MAPK8IP3: variants seen among roughly 807,000 people sequenced by gnomAD.
MAPK8IP3 encodes the protein mitogen-activated protein kinase 8 interacting protein 3, also known as C-Jun-amino-terminal kinase-interacting protein 3.
MAPK8IP3 carries 49 observed loss-of-function variants against 157.8 expected under a neutral mutation model. The observed-to-expected ratio is 0.31, with a 90% confidence interval of 0.25 to 0.39. MAPK8IP3 has a LOEUF of 0.39. MAPK8IP3 is among the 10% of genes least tolerant of loss of function. The pLI, the probability that MAPK8IP3 is intolerant of heterozygous loss-of-function variation, is 1.00. For synonymous variants in MAPK8IP3, 897 were observed against 777.7 expected, an observed-to-expected ratio of 1.15 and a Z score of -2.55; for missense variants, 1,478 against 1,889.4, an observed-to-expected ratio of 0.78 and a Z score of 4.04.
At chr16:1,756,165 G>C (rs1010006893) in intron 8 of MAPK8IP3, among the ~76,000 whole-genome samples, 14 of 152,308 alleles carry the variant, frequency 9.2e-5, no homozygotes, top group South Asian at 4.1e-4. Context: ...CCCTCACACA[G>C]GGACCCCAAG....
In MAPK8IP3 at chr16:1,762,462, C is replaced by T; in HGVS notation, c.1651C>T (p.Arg551Trp). 2 of 1,610,378 alleles carry T rather than the reference C, an allele frequency of 1.2e-6. No homozygotes were observed. The highest frequency in any genetic ancestry group is 1.7e-6 in the Non-Finnish European group (2 of 1,178,586). The change falls in exon 14 of 32, where the codon CGG (arginine) becomes TGG (tryptophan). Residue 551 changes from arginine (R) to tryptophan (W), a missense_variant. By Grantham distance (101) the Arg-to-Trp change is moderately radical. Around this residue, in one of 11 missense-constraint regions of MAPK8IP3, gnomAD observed 11 missense variants for 47.3 expected, o/e 0.23. Coordinates refer to ENST00000610761, the MANE Select transcript of MAPK8IP3 (RefSeq NM_001318852.2). ...GCTGATGGAGCTGCAGGAGGCTGTG[C>T]GGTGGACTGAGATGATCAGGTGGGA... ...ERLMELQEAVRWTEMIRASRE... is the reference protein window; with the variant it reads ...ERLMELQEAVWWTEMIRASRE...
chr16:1,763,585 C>T, intron 16 of MAPK8IP3, 72 bp from the exon 17 acceptor site: 3 of 1,407,878 alleles, frequency 2.1e-6, no homozygotes, highest in African/African-American at 1.5e-5. Context: ...TGACCTCCCC[C>T]AGGACAAGCC....
intron 8 of MAPK8IP3, among the ~76,000 whole-genome samples, chr16:1,754,997 A>G (rs556159891): frequency 1.3e-5 from 2 of 152,320 alleles, no homozygotes; most frequent in South Asian, 4.1e-4. Flanking sequence ...CTTGTTGGAG[A>G]TTTTTCTGGA....
intron 1 of MAPK8IP3, among the ~76,000 whole-genome samples, chr16:1,709,914 AC>A (rs1263722909): frequency 6.6e-6 from 1 of 151,678 alleles, no homozygotes; most frequent in Non-Finnish European, 1.5e-5. Context: ...TGCTGGTAAC[AC>A]CCCCCAGGCT....
rs759597574 is a variant in MAPK8IP3, at chr16:1,747,252, A to G, written c.971A>G (p.Gln324Arg). Reference protein sequence around the residue: ...DSRNMEVQVTQEMRNVSIGMG... With the variant: ...DSRNMEVQVTREMRNVSIGMG... ...CGCAACATGGAAGTACAGGTCACCC[A>G]GGAGATGCGCAACGTCAGTATAGGT... Residue 324 changes from glutamine (Q) to arginine (R), a missense_variant, in exon 6 of 32, where the codon CAG (glutamine) becomes CGG (arginine). Gln to Arg is a conservative substitution (Grantham distance 43, BLOSUM62 1). This residue lies in a region of MAPK8IP3 where 315 missense variants were observed against 394.4 expected (regional missense o/e 0.80). Coordinates refer to ENST00000610761, the MANE Select transcript of MAPK8IP3 (RefSeq NM_001318852.2). 1 of 1,613,674 alleles carries G rather than the reference A, an allele frequency of 6.2e-7. No individual in the cohort carries two copies. The highest frequency in any genetic ancestry group is 1.1e-5 in the South Asian group (1 of 91,090).
At position 1,748,578 on chromosome 16, in the gene MAPK8IP3, C is replaced by T. The variant is rs200777147; in HGVS notation, c.1098-24C>T. 9.4e-6 allele frequency: 15 copies of T among 1,590,022 alleles called. 1 individual carries two copies. In the Admixed American group the frequency reaches 2.5e-4, roughly 27 times the overall value. ...GGGCTGCCCACTGACTCTGCTCTCTCTCCCGACCTGTGGATCCCAACAGCC... is the reference window on the plus strand; with the variant it reads ...GGGCTGCCCACTGACTCTGCTCTCTTTCCCGACCTGTGGATCCCAACAGCC... On this transcript the variant is annotated intron_variant, in intron 7 of 31. Coordinates refer to ENST00000610761, the MANE Select transcript of MAPK8IP3 (RefSeq NM_001318852.2).
At chr16:1,749,617 TG>T (rs1218127715) in intron 8 of MAPK8IP3, among the ~76,000 whole-genome samples, 2 of 152,238 alleles carry the variant, frequency 1.3e-5, no homozygotes, top group African/African-American at 4.8e-5. Context: ...ACTGGCCATG[TG>T]GCTCTGAGCC....
intron 8 of MAPK8IP3, among the ~76,000 whole-genome samples, chr16:1,753,133 G>A (rs73501651): frequency 0.021 from 3,231 of 152,252 alleles, 135 homozygotes; most frequent in African/African-American, 0.073. Flanking sequence ...ACATCCCTCC[G>A]TCCAGCGTCT....
At chr16:1,717,493 A>G (rs186385542) in intron 1 of MAPK8IP3, among the ~76,000 whole-genome samples, 210 of 152,296 alleles carry the variant, frequency 1.4e-3, no homozygotes, top group African/African-American at 4.9e-3. Flanking sequence ...GGGATGCTCA[A>G]AGGTGACCCA....
At chr16:1,716,269 G>A (rs2038142676) in intron 1 of MAPK8IP3, among the ~76,000 whole-genome samples, 1 of 150,904 alleles carries the variant, frequency 6.6e-6, no homozygotes, top group South Asian at 2.1e-4. Flanking sequence ...AACTGGCTTG[G>A]ATTACTAGAT....
At chr16:1,726,487 C>A (rs2038885885) in intron 2 of MAPK8IP3, among the ~76,000 whole-genome samples, 1 of 152,114 alleles carries the variant, frequency 6.6e-6, no homozygotes, top group Non-Finnish European at 1.5e-5. Context: ...CCAGCCTGGG[C>A]AACCTGGTGA....
intron 8 of MAPK8IP3, among the ~76,000 whole-genome samples, chr16:1,749,754 C>T (rs1487762847): frequency 2.0e-5 from 3 of 152,210 alleles, no homozygotes; most frequent in Non-Finnish European, 2.9e-5. Context: ...GCTCCTGGAT[C>T]CCAGGCTGCC....
intron 8 of MAPK8IP3, among the ~76,000 whole-genome samples, chr16:1,756,948 G>A (rs2041636078): frequency 6.6e-6 from 1 of 152,134 alleles, no homozygotes; most frequent in East Asian, 1.9e-4. Flanking sequence ...GAAACCTGTT[G>A]CTTATCTAGA....
rs765747644 is a variant in MAPK8IP3, at chr16:1,764,457, A to G, written c.2278A>G (p.Lys760Glu). ...CGCCCACACGTCTCCCGAGAAGAAGAAGGTGAGCATGGCCGAGGCCACCGG... is the reference window on the plus strand; with the variant it reads ...CGCCCACACGTCTCCCGAGAAGAAGGAGGTGAGCATGGCCGAGGCCACCGG... ...KSAHTSPEKKKAKELPEMDAT... is the reference protein window; with the variant it reads ...KSAHTSPEKKEAKELPEMDAT... Residue 760 changes from lysine (K) to glutamate (E), a missense_variant and splice_region_variant, in exon 19 of 32, where the codon AAG (lysine) becomes GAG (glutamate). This residue lies in a region of MAPK8IP3 where 669 missense variants were observed against 759.8 expected (regional missense o/e 0.88). Coordinates refer to ENST00000610761, the MANE Select transcript of MAPK8IP3 (RefSeq NM_001318852.2). 3.7e-6 allele frequency: 6 copies of G among 1,608,310 alleles called. No homozygotes were observed. The highest frequency in any genetic ancestry group is 4.5e-5 in the East Asian group (2 of 44,788).
chr16:1,724,411 C>G lies in MAPK8IP3; in HGVS notation c.319-146C>G. 1 of 1,115,196 alleles carries G rather than the reference C, an allele frequency of 9.0e-7. No homozygotes were observed. The allele number at this position is 1,115,196 out of a possible 1,614,324, so 69.1% of individuals were successfully genotyped here. A position where few individuals can be genotyped will look rare whatever the true frequency, so the allele number is the denominator to read the frequency against. ...GGCCACAGCCACGTGGCGGGAAGCC[C>G]CCATTCCGGCCTGGCCATGGGCCAG... On this transcript the variant is annotated intron_variant, in intron 1 of 31. Transcript: ENST00000610761. This position sits in a 1 kb window ranked among gnomAD's most constrained non-coding sequence, Gnocchi z 4.1.
At chr16:1,760,580 G>A (rs780792294) in intron 12 of MAPK8IP3, 48 bp downstream of exon 12, 3 of 1,572,444 alleles carry the variant, frequency 1.9e-6, no homozygotes, top group Non-Finnish European at 8.6e-7. Flanking sequence ...CCCGGCCTCA[G>A]GGCTCTGGAG....
rs34233441 is a variant in MAPK8IP3, at chr16:1,748,651, C to G, written c.1147C>G (p.Leu383Val). 12 of 1,614,196 alleles carry G rather than the reference C, an allele frequency of 7.4e-6. No homozygotes were observed. In the African/African-American group the frequency reaches 1.6e-4, roughly 22 times the overall value. Residue 383 changes from leucine to valine, a missense_variant, in exon 8 of 32, where the codon CTG becomes GTG. By Grantham distance (32) the Leu-to-Val change is conservative. Around this residue, in one of 11 missense-constraint regions of MAPK8IP3, gnomAD observed 315 missense variants for 394.4 expected, o/e 0.80. Coordinates refer to ENST00000610761, the MANE Select transcript of MAPK8IP3 (RefSeq NM_001318852.2). Reference protein sequence around the residue: ...NKAFGINTDSLYHELSTAGSE... With the variant: ...NKAFGINTDSVYHELSTAGSE... ...AGCTTTCGGCATCAACACCGACTCC[C>G]TGTACCATGAGCTGTCGACGGCAGG...
rs771554722 is a variant in MAPK8IP3 at position 1,764,441 on chromosome 16, G to T, written c.2262G>T (p.Thr754=). 1.2e-6 allele frequency: 2 copies of T among 1,608,338 alleles called. No homozygotes were observed. Among genetic ancestry groups the T allele is most frequent in the East Asian group, 2.2e-5 (1 of 44,758 alleles). ...EGDGEPKSAH[T]SPEKKKAKEL... ...ACGGCGAGCCCAAGAGCGCCCACACGTCTCCCGAGAAGAAGAAGGTGAGCA... is the reference window on the plus strand; with the variant it reads ...ACGGCGAGCCCAAGAGCGCCCACACTTCTCCCGAGAAGAAGAAGGTGAGCA... Residue 754 remains threonine, a synonymous_variant, in exon 19 of 32, where the codon ACG becomes ACT. Coordinates refer to ENST00000610761, the MANE Select transcript of MAPK8IP3 (RefSeq NM_001318852.2).
intron 4 of MAPK8IP3, among the ~76,000 whole-genome samples, chr16:1,738,138 G>A (rs2040194073): frequency 1.0e-5 from 1 of 97,354 alleles, no homozygotes; most frequent in African/African-American, 4.6e-5. Flanking sequence ...CTGTCCGTGT[G>A]TGTGACCATC....
Sources: gnomAD v4.1 joint callset for allele counts (sites outside exome capture counted in the v4.1 genomes callset) on GRCh38, gnomAD v4.1.1 for gene constraint, gnomAD v4.1.1 regional missense constraint, Gnocchi (gnomAD v3.1) non-coding constraint, MANE v1.5 for transcripts, NCBI Gene and HGNC (gene_info 2026-07-23, HGNC 2026-07-21) for gene names.